Variants in PKHD1 observed in about 807,000 individuals in gnomAD.
The protein encoded by PKHD1 is fibrocystin.
PKHD1 carries 291 observed loss-of-function variants against 412.0 expected under a neutral mutation model. The ratio of observed to expected loss-of-function variants is 0.71; its 90% confidence interval spans 0.64 to 0.78. The LOEUF (loss-of-function observed/expected upper bound fraction) is 0.78, where lower values mean the gene tolerates loss of function less well. Among genes scored for constraint, PKHD1 ranks in the 30% least tolerant of loss-of-function variants. The probability of loss-of-function intolerance (pLI) is 0.00; values close to 1 mark genes in which losing one functional copy is unlikely to be tolerated. For missense variants in PKHD1, 4,825 were observed against 4,950.7 expected, an observed-to-expected ratio of 0.97 and a Z score of 0.76; for synonymous variants, 1,777 against 1,821.5, an observed-to-expected ratio of 0.98 and a Z score of 0.62.
intron 7 of PKHD1, 44 bp downstream of exon 7, chr6:52,073,419 G>T: frequency 8.7e-7 from 1 of 1,151,862 alleles, no homozygotes; most frequent in Non-Finnish European, 1.3e-6. Flanking sequence ...AAGCCATGCA[G>T]CATGTATGTA....
At chr6:52,042,015 A>G (rs1356149973) in intron 27 of PKHD1, among the ~76,000 whole-genome samples, 1 of 152,156 alleles carries the variant, frequency 6.6e-6, no homozygotes, top group Non-Finnish European at 1.5e-5. Flanking sequence ...AGAGAAAACT[A>G]CACTATGCCC....
At chr6:51,734,519 A>C (rs1015712184) in intron 60 of PKHD1, among the ~76,000 whole-genome samples, 19 of 152,258 alleles carry the variant, frequency 1.2e-4, no homozygotes, top group Admixed American at 9.8e-4. Context: ...TTTACCTTGA[A>C]GTCACTCACA....
chr6:51,638,810 A>C (rs1306703175), intron 64 of PKHD1, 39 bp downstream of exon 64: 1 of 1,296,658 alleles, frequency 7.7e-7, no homozygotes, highest in Non-Finnish European at 1.1e-6. Flanking sequence ...AAAAAAAAAA[A>C]AAAAAAACAC....
chr6:52,054,992 C>A (rs1399422371), intron 19 of PKHD1, among the ~76,000 whole-genome samples: 1 of 152,260 alleles, frequency 6.6e-6, no homozygotes, highest in African/African-American at 2.4e-5. Context: ...GGCAAATCAG[C>A]TGCACTTCTT....
intron 63 of PKHD1, among the ~76,000 whole-genome samples, chr6:51,643,684 ATTATT>A (rs915030032): frequency 1.3e-5 from 2 of 152,104 alleles, no homozygotes; most frequent in Admixed American, 6.6e-5. Context: ...GTTTGTTTTA[ATTATT>A]TTATTTTATT....
In PKHD1 at chr6:52,058,611, A is replaced by C. The variant is rs4715272; in HGVS notation, c.1234-10T>G. 6.2e-7 allele frequency: 1 copy of C among 1,612,338 alleles called. No homozygotes were observed. Among genetic ancestry groups the C allele is most frequent in the African/African-American group, 1.3e-5 (1 of 74,840 alleles). On this transcript the variant is annotated splice_polypyrimidine_tract_variant and intron_variant, in intron 15 of 66. Coordinates refer to ENST00000371117, the MANE Select transcript of PKHD1 (RefSeq NM_138694.4). ...TGGAGGCCACTTTCACCTATGCCCA[A>C]ATAAGCATATCATGATCAATACTAT...
In PKHD1 at chr6:51,668,757, T is replaced by G. The variant is rs532965125; in HGVS notation, c.10157-8788A>C. ...TTTATTGAGAGTTTTTAGCATGAAG[T>G]GTTGTTGAATTTTGTCAAAGGCCTT... On this transcript the variant is annotated intron_variant, in intron 60 of 66. Transcript: ENST00000371117. Among the ~76,000 whole-genome samples the G allele has an allele frequency of 2.6e-3, 400 of 151,952 alleles. 2 individuals carry two copies. The Middle Eastern group carries it at 0.034, about 13-fold the overall frequency.
Position 51,911,814 on chromosome 6 carries a change from C to T in PKHD1, c.6475G>A (p.Ala2159Thr), listed in dbSNP as rs750822014. ...ACTCTTCTACCTTCTGGAGCATTGG[C>T]CTCCTGGCATGAAACAAGCAGCTTC... The part of the protein sequence containing the change: ...REKLLVSCQE[A>T]NAPEGNLQHC... The change falls in exon 39 of 67, where the codon GCC (alanine) becomes ACC (threonine). Residue 2159 changes from alanine to threonine, a missense_variant. Ala to Thr is a moderately conservative substitution (Grantham distance 58). Coordinates refer to ENST00000371117, the MANE Select transcript of PKHD1 (RefSeq NM_138694.4). 2.4e-5 allele frequency: 38 copies of T among 1,612,724 alleles called. No homozygotes were observed. In the Admixed American group the frequency reaches 6.3e-4, roughly 27 times the overall value.
In PKHD1 at chr6:51,986,075, T is replaced by C. The variant is rs569349788; in HGVS notation, c.5751+24234A>G. 7.2e-5 allele frequency among the ~76,000 whole-genome samples: 11 copies of C among 152,306 alleles called. No individual in the cohort carries two copies. The East Asian group carries it at 1.4e-3, about 19-fold the overall frequency. On this transcript the variant is annotated intron_variant, in intron 35 of 66. Coordinates refer to ENST00000371117, the MANE Select transcript of PKHD1 (RefSeq NM_138694.4). Reference sequence around the variant, plus strand: ...AATGTAAGGTAAAAACGTAATGGGATTAATAGGAATAATTTTGCTATGGGG... The same window carrying C: ...AATGTAAGGTAAAAACGTAATGGGACTAATAGGAATAATTTTGCTATGGGG...
chr6:51,663,434 CTCAA>C (rs1485677021), intron 60 of PKHD1, among the ~76,000 whole-genome samples: 1 of 152,064 alleles, frequency 6.6e-6, no homozygotes, highest in Non-Finnish European at 1.5e-5. Flanking sequence ...GTTGATGATT[CTCAA>C]TCATTCTCTG....
intron 6 of PKHD1, among the ~76,000 whole-genome samples, chr6:52,074,313 T>C (rs888517063): frequency 1.4e-4 from 22 of 152,324 alleles, no homozygotes; most frequent in African/African-American, 4.8e-4. Context: ...TCTGCACTCA[T>C]TGGATGACTC....
At chr6:51,804,479 T>C (rs1204687838) in intron 52 of PKHD1, among the ~76,000 whole-genome samples, 1 of 150,902 alleles carries the variant, frequency 6.6e-6, no homozygotes, top group East Asian at 2.0e-4. Flanking sequence ...GCCCAACATG[T>C]AGCTTGGAGT....
intron 53 of PKHD1, among the ~76,000 whole-genome samples, chr6:51,786,983 G>C (rs546193890): frequency 6.6e-6 from 1 of 152,156 alleles, no homozygotes; most frequent in Admixed American, 6.5e-5. Flanking sequence ...CTTTGATCTT[G>C]AGCTTCCTTT....
chr6:51,648,853 C>G (rs1336214580), intron 62 of PKHD1, among the ~76,000 whole-genome samples: 1 of 152,126 alleles, frequency 6.6e-6, no homozygotes, highest in Non-Finnish European at 1.5e-5. Flanking sequence ...GGAAAAGTAT[C>G]AGAATTTTAT....
intron 43 of PKHD1, among the ~76,000 whole-genome samples, chr6:51,892,058 A>G (rs1779204862): frequency 6.6e-6 from 1 of 152,198 alleles, no homozygotes; most frequent in Non-Finnish European, 1.5e-5. Context: ...ATTTGTAAAT[A>G]GACAGCCATT....
At chr6:51,890,760 G>T (rs948030963) in intron 43 of PKHD1, among the ~76,000 whole-genome samples, 11 of 152,112 alleles carry the variant, frequency 7.2e-5, no homozygotes, top group South Asian at 2.1e-4. Context: ...TAGGGGTGTG[G>T]GACATTTCTC....
At chr6:51,693,963 C>A (rs998895488) in intron 60 of PKHD1, among the ~76,000 whole-genome samples, 8 of 152,066 alleles carry the variant, frequency 5.3e-5, no homozygotes, top group Admixed American at 3.3e-4. Context: ...CTGATTCAAA[C>A]CCCCTGTCCT....
At chr6:52,059,259 CTT>C (rs55992586) in intron 15 of PKHD1, among the ~76,000 whole-genome samples, 19,204 of 82,542 alleles carry the variant, frequency 0.23, 469 homozygotes, top group East Asian at 0.35. Flanking sequence ...TTTTCTTTTT[CTT>C]TTTTTTTTTT....
chr6:52,056,585 T>G lies in PKHD1; in HGVS notation c.1693+113A>C. Reference sequence around the variant, plus strand: ...TCAGTGTCCAAATCCAGGTTTCATATTTTTTTTTTACTCTGTTATCACCTT... The same window carrying G: ...TCAGTGTCCAAATCCAGGTTTCATAGTTTTTTTTTACTCTGTTATCACCTT... On this transcript the variant is annotated intron_variant, in intron 18 of 66. Transcript: ENST00000371117. 13 of 595,070 alleles carry G rather than the reference T, an allele frequency of 2.2e-5. No homozygotes were observed. In the South Asian group the frequency reaches 2.5e-4, roughly 11 times the overall value. 36.9% of individuals were successfully genotyped at this position (595,070 alleles called of 1,614,324 possible).
Sources: allele counts gnomAD v4.1 joint callset (sites outside exome capture counted in the v4.1 genomes callset), GRCh38; gene constraint gnomAD v4.1.1; transcripts MANE v1.5; gene names NCBI Gene and HGNC (gene_info 2026-07-23, HGNC 2026-07-21).